Variants in TNR observed in about 807,000 individuals in gnomAD.
TNR encodes tenascin R.
In TNR, 45 loss-of-function variants were observed where a neutral mutation model predicts 150.4. That is an observed-to-expected ratio of 0.30 (90% CI 0.24 to 0.38). The LOEUF is 0.38. Among genes scored for constraint, TNR ranks in the 10% least tolerant of loss-of-function variants. The pLI is 1.00. For missense variants in TNR, 1,544 were observed against 1,759.1 expected, an observed-to-expected ratio of 0.88 and a Z score of 2.19; for synonymous variants, 687 against 678.4, an observed-to-expected ratio of 1.01 and a Z score of -0.20.
intron 21 of TNR, among the ~76,000 whole-genome samples, chr1:175,328,798 C>T (rs921350959): frequency 1.3e-4 from 19 of 151,992 alleles, no homozygotes; most frequent in Non-Finnish European, 2.4e-4. Context: ...AAAGCACAGG[C>T]GGATGAAGAG....
intron 18 of TNR, among the ~76,000 whole-genome samples, chr1:175,353,152 G>A (rs1476904942): frequency 1.3e-5 from 2 of 151,088 alleles, no homozygotes; most frequent in Non-Finnish European, 3.0e-5. Flanking sequence ...CACAGTGGGA[G>A]GTGGTAGAGA....
At chr1:175,692,837 T>A (rs919096370) in intron 1 of TNR, among the ~76,000 whole-genome samples, 1 of 152,180 alleles carries the variant, frequency 6.6e-6, no homozygotes, top group Non-Finnish European at 1.5e-5. Context: ...TTGTTACACA[T>A]TGTTATGTGA....
intron 1 of TNR, among the ~76,000 whole-genome samples, chr1:175,650,758 TTA>T (rs2101888471): frequency 0.022 from 8 of 368 alleles, no homozygotes; most frequent in East Asian, 0.045. Context: ...TCCCACCTGA[TTA>T]CTCCTCCTCC....
In TNR at chr1:175,561,043, C is replaced by T. The variant is rs78533825; in HGVS notation, c.-164-32674G>A. ...TCCCCAAGCAGTGAGCTTGTCCCTT[C>T]CTTGTTCTTCTAATTCAGAACATAG... On this transcript the variant is annotated intron_variant, in intron 1 of 22. Transcript: ENST00000367674. 1.7e-3 allele frequency among the ~76,000 whole-genome samples: 256 copies of T among 152,330 alleles called. 4 individuals are homozygous for T. Among genetic ancestry groups the T allele is most frequent in the African/African-American group, 5.4e-3 (225 of 41,580 alleles).
At chr1:175,732,315 A>G (rs529578776) in intron 1 of TNR, among the ~76,000 whole-genome samples, 125 of 152,364 alleles carry the variant, frequency 8.2e-4, no homozygotes, top group African/African-American at 3.0e-3. Context: ...GCTTTGGCCC[A>G]GATAATCCCC....
intron 1 of TNR, among the ~76,000 whole-genome samples, chr1:175,651,150 C>T (rs113626030): frequency 0.034 from 4,546 of 134,088 alleles, 273 homozygotes; most frequent in African/African-American, 0.11. Context: ...ACTACCCCTC[C>T]CCACCTCATT....
In TNR at chr1:175,382,773, G is replaced by A. The variant is rs144247412; in HGVS notation, c.1778-3036C>T. Among the ~76,000 whole-genome samples the A allele has an allele frequency of 1.1e-3, 162 of 152,186 alleles. 1 individual carries two copies. The highest frequency in any genetic ancestry group is 3.2e-3 in the African/African-American group (132 of 41,530). On this transcript the variant is annotated intron_variant, in intron 8 of 22. Coordinates refer to ENST00000367674, the MANE Select transcript of TNR (RefSeq NM_003285.3). ...AAAGTAGCTGGGCATGGTGGCAGGT[G>A]CCTGTAGTCCTAGCTACTTGGGAGG...
chr1:175,657,853 G>GTATATATATATATATATATATATATATA (rs59315046), intron 1 of TNR, among the ~76,000 whole-genome samples: 10 of 70,480 alleles, frequency 1.4e-4, no homozygotes, highest in Non-Finnish European at 1.9e-4. Context: ...CATGGAACAT[G>GTATATATATATATATATATATATATATA]TATATATATA....
chr1:175,358,797 C>T (rs895728429), intron 15 of TNR, among the ~76,000 whole-genome samples: 5 of 152,172 alleles, frequency 3.3e-5, no homozygotes, highest in East Asian at 1.9e-4. Flanking sequence ...TTCAAGATTT[C>T]GTGTTAGTTA....
At chr1:175,642,120 A>G (rs1467428320) in intron 1 of TNR, among the ~76,000 whole-genome samples, 1 of 152,160 alleles carries the variant, frequency 6.6e-6, no homozygotes, top group East Asian at 1.9e-4. Flanking sequence ...CTCAGCCCAA[A>G]TGGATAAGAA....
intron 1 of TNR, among the ~76,000 whole-genome samples, chr1:175,702,347 G>A (rs1170755965): frequency 6.6e-6 from 1 of 152,112 alleles, no homozygotes; most frequent in African/African-American, 2.4e-5. Flanking sequence ...GCCACCTCTG[G>A]GTTGTCACCC....
At chr1:175,641,341 G>T (rs1270945221) in intron 1 of TNR, among the ~76,000 whole-genome samples, 3 of 151,964 alleles carry the variant, frequency 2.0e-5, no homozygotes, top group Non-Finnish European at 2.9e-5. Flanking sequence ...AAGAAAGTGA[G>T]GGAGAGAGAA....
intron 1 of TNR, among the ~76,000 whole-genome samples, chr1:175,626,941 C>T (rs915397885): frequency 2.6e-5 from 4 of 152,180 alleles, no homozygotes; most frequent in Non-Finnish European, 4.4e-5. Flanking sequence ...GCAGTGATGT[C>T]ACCACAAGCC....
intron 2 of TNR, among the ~76,000 whole-genome samples, chr1:175,455,993 T>G (rs1012286506): frequency 1.3e-5 from 2 of 152,208 alleles, no homozygotes; most frequent in African/African-American, 4.8e-5. Context: ...AATTCAGGAT[T>G]GTCCTGAGCA....
chr1:175,354,354 T>C (rs755673780), intron 18 of TNR, 37 bp downstream of exon 18: 3 of 1,606,800 alleles, frequency 1.9e-6, no homozygotes, highest in Non-Finnish European at 2.6e-6. Flanking sequence ...CATCAGGAAG[T>C]GGAGAAGAAG....
intron 2 of TNR, among the ~76,000 whole-genome samples, chr1:175,428,414 A>G (rs1655110089): frequency 6.6e-6 from 1 of 152,182 alleles, no homozygotes; most frequent in Admixed American, 6.5e-5. Context: ...TGCTAAGTTT[A>G]TTATTGTTAA....
At chr1:175,528,406 TG>T (rs1458055640) in intron 1 of TNR, 37 bp from the exon 2 acceptor site, 1 of 152,224 alleles carries the variant, frequency 6.6e-6, no homozygotes, top group Non-Finnish European at 1.5e-5. Context: ...AATATATTAA[TG>T]GTTTCAAAAT....
chr1:175,333,287 G>T (rs1301585851), intron 20 of TNR: 1 of 152,096 alleles, frequency 6.6e-6, no homozygotes, highest in Non-Finnish European at 1.5e-5. Flanking sequence ...AGTAATTATA[G>T]AAATTTTAAG....
At chr1:175,608,738 C>T (rs768002257) in intron 1 of TNR, among the ~76,000 whole-genome samples, 27 of 152,126 alleles carry the variant, frequency 1.8e-4, no homozygotes, top group Non-Finnish European at 2.9e-4. Flanking sequence ...AAATCAAACC[C>T]CAAAGCCTTG....
Sources: gnomAD v4.1 joint callset for allele counts (sites outside exome capture counted in the v4.1 genomes callset) on GRCh38, gnomAD v4.1.1 for gene constraint, MANE v1.5 for transcripts, NCBI Gene and HGNC (gene_info 2026-07-23, HGNC 2026-07-21) for gene names.